DHRS7B: variants seen among roughly 807,000 people sequenced by gnomAD.
The protein encoded by DHRS7B is dehydrogenase/reductase 7B.
In DHRS7B, 24 loss-of-function variants were observed where a neutral mutation model predicts 26.4. That is an observed-to-expected ratio of 0.91 (90% CI 0.66 to 1.28). The LOEUF is 1.28. Ranked by LOEUF, DHRS7B falls within the 50% of genes most tolerant of loss-of-function variation. The pLI is 0.00. For missense variants in DHRS7B, 368 were observed against 419.4 expected, an observed-to-expected ratio of 0.88 and a Z score of 1.07; for synonymous variants, 142 against 166.4, an observed-to-expected ratio of 0.85 and a Z score of 1.13.
chr17:21,165,336 A>G (rs1237048802), intron 1 of DHRS7B, among the ~76,000 whole-genome samples: 4 of 151,590 alleles, frequency 2.6e-5, no homozygotes, highest in Non-Finnish European at 5.9e-5. Context: ...GTAACACTAT[A>G]TTCACTTTTT....
chr17:21,147,909 T>G (rs149628921), intron 1 of DHRS7B, among the ~76,000 whole-genome samples: 14 of 152,064 alleles, frequency 9.2e-5, no homozygotes, highest in Non-Finnish European at 1.9e-4. Context: ...TTGGGCACAG[T>G]GTGGGAGGAT....
In DHRS7B at chr17:21,172,400, G is replaced by A. The variant is rs1023601006; in HGVS notation, c.199+204G>A. ...ACAGTGAGAAATGACTCAGCGTCAG[G>A]GTGGGAGGCAAGTGTGAGAGAAGCA... On this transcript the variant is annotated intron_variant, in intron 2 of 6. Transcript: ENST00000395511. The A allele has an allele frequency of 5.3e-6, 3 of 570,480 alleles. No individual in the cohort carries two copies. In the Admixed American group the frequency reaches 8.8e-5, roughly 17 times the overall value. 35.3% of individuals were successfully genotyped at this position (570,480 alleles called of 1,614,324 possible).
chr17:21,144,942 C>T (rs1025437838), intron 1 of DHRS7B, among the ~76,000 whole-genome samples: 8 of 152,020 alleles, frequency 5.3e-5, no homozygotes, highest in Admixed American at 2.0e-4. Flanking sequence ...ATATACTTAC[C>T]TTTTAGCAGA....
chr17:21,149,854 A>T (rs1567619612), intron 1 of DHRS7B, among the ~76,000 whole-genome samples: 1 of 152,192 alleles, frequency 6.6e-6, no homozygotes. Flanking sequence ...AGAAGAAAGG[A>T]AGAGAGGAGT....
chr17:21,182,205 CT>C (rs1974528307), intron 3 of DHRS7B, among the ~76,000 whole-genome samples: 1 of 152,164 alleles, frequency 6.6e-6, no homozygotes, highest in Middle Eastern at 3.4e-3. Context: ...GGGTTTTTCC[CT>C]CGTTCTATTA....
chr17:21,128,948 A>T (rs2143833400), intron 1 of DHRS7B: 1 of 152,114 alleles, frequency 6.6e-6, no homozygotes, highest in Admixed American at 6.6e-5. Context: ...CAACAAAGGC[A>T]TAGAGCTAGT....
At position 21,127,362 on chromosome 17, in the gene DHRS7B, C is replaced by T. The variant is rs1973123125; in HGVS notation, c.20+371C>T. 2.2e-5 allele frequency: 5 copies of T among 231,126 alleles called. No individual in the cohort carries two copies. In the South Asian group the frequency reaches 5.1e-4, roughly 23 times the overall value. 14.3% of individuals were successfully genotyped at this position (231,126 alleles called of 1,614,324 possible). A position where few individuals can be genotyped will look rare whatever the true frequency, so the allele number is the denominator to read the frequency against. ...TTTCTGCGCGACGTAGGGGAGGCTC[C>T]GCAGCGTCTGCGAGTGGCAGGACCG... On this transcript the variant is annotated intron_variant, in intron 1 of 6. Coordinates refer to ENST00000395511, the MANE Select transcript of DHRS7B (RefSeq NM_015510.5).
At chr17:21,141,820 A>C (rs760628596) in intron 1 of DHRS7B, among the ~76,000 whole-genome samples, 6 of 151,948 alleles carry the variant, frequency 3.9e-5, no homozygotes, top group Non-Finnish European at 7.4e-5. Flanking sequence ...CTCTGGAAGG[A>C]GTGCTCTCAG....
intron 1 of DHRS7B, chr17:21,168,905 C>T (rs1048928720): frequency 9.1e-5 from 90 of 985,432 alleles, no homozygotes; most frequent in Middle Eastern, 5.2e-4. Context: ...GTGTAGTTTT[C>T]GCTCTTTTCT....
Position 21,136,037 on chromosome 17 carries a change from G to C in DHRS7B, c.20+9046G>C, listed in dbSNP as rs949369996. Among the ~76,000 whole-genome samples the C allele has an allele frequency of 2.6e-5, 4 of 152,198 alleles. No homozygotes were observed. In the East Asian group the frequency reaches 7.7e-4, roughly 29 times the overall value. On this transcript the variant is annotated intron_variant, in intron 1 of 6. Transcript: ENST00000395511. ...AGACTGGCCGGGGATGGTGACTCATGCCTATAATCCCAGCACTTTGGGAGG... is the reference window on the plus strand; with the variant it reads ...AGACTGGCCGGGGATGGTGACTCATCCCTATAATCCCAGCACTTTGGGAGG...
At chr17:21,137,760 G>A (rs1453768039) in intron 1 of DHRS7B, among the ~76,000 whole-genome samples, 2 of 151,578 alleles carry the variant, frequency 1.3e-5, no homozygotes, top group African/African-American at 4.8e-5. Context: ...CCCGGCCTCT[G>A]GCTAATTTTT....
intron 1 of DHRS7B, among the ~76,000 whole-genome samples, chr17:21,150,983 C>T (rs937041745): frequency 1.3e-5 from 2 of 152,130 alleles, no homozygotes; most frequent in African/African-American, 4.8e-5. Context: ...TATACATATC[C>T]AAGAAACTTT....
At chr17:21,140,168 C>T (rs183815967) in intron 1 of DHRS7B, among the ~76,000 whole-genome samples, 4 of 151,726 alleles carry the variant, frequency 2.6e-5, no homozygotes, top group East Asian at 3.9e-4. Flanking sequence ...GGACTACAGG[C>T]GCCCACCACT....
chr17:21,183,609 C>A lies in DHRS7B; in HGVS notation c.325C>A (p.Pro109Thr). ...ATTTGACCAGGTGCAGACACACAAG[C>A]CTTACTTGGTGACCTTCGACCTCAC... ...SHATKVQTHK[P>T]YLVTFDLTDS... The change falls in exon 4 of 7, where the codon CCT becomes ACT. Residue 109 changes from proline to threonine, a missense_variant. By Grantham distance (38) the Pro-to-Thr change is conservative (BLOSUM62 -1). Transcript: ENST00000395511. 6.2e-7 allele frequency: 1 copy of A among 1,613,158 alleles called. No individual in the cohort carries two copies. The highest frequency in any genetic ancestry group is 8.5e-7 in the Non-Finnish European group (1 of 1,180,022).
chr17:21,163,199 A>AAG (rs1567623647), intron 1 of DHRS7B, among the ~76,000 whole-genome samples: 1 of 151,816 alleles, frequency 6.6e-6, no homozygotes, highest in East Asian at 1.9e-4. Context: ...GTCTCAAAAA[A>AAG]AAAACCAAAA....
intron 6 of DHRS7B, among the ~76,000 whole-genome samples, chr17:21,189,836 A>G (rs1025168574): frequency 5.9e-5 from 9 of 152,258 alleles, no homozygotes; most frequent in Admixed American, 2.0e-4. Flanking sequence ...CAGAACAGAC[A>G]TTGGTGAGGG....
At chr17:21,174,212 C>T (rs1174166540) in intron 2 of DHRS7B, among the ~76,000 whole-genome samples, 1 of 152,230 alleles carries the variant, frequency 6.6e-6, no homozygotes, top group Admixed American at 6.5e-5. Flanking sequence ...GTGGCTCTGC[C>T]TGCCGTGTCA....
chr17:21,140,538 A>C (rs73984294), intron 1 of DHRS7B, among the ~76,000 whole-genome samples: 1,896 of 134,570 alleles, frequency 0.014, 17 homozygotes, highest in Admixed American at 0.023. Flanking sequence ...ACACACACAC[A>C]CCCTGACACC....
chr17:21,138,279 C>T (rs372385018), intron 1 of DHRS7B, among the ~76,000 whole-genome samples: 6 of 124,750 alleles, frequency 4.8e-5, no homozygotes, highest in South Asian at 2.7e-4. Context: ...TGCAGTGGCG[C>T]GATCTTGGCT....
Sources: gnomAD v4.1 joint callset for allele counts (sites outside exome capture counted in the v4.1 genomes callset) on GRCh38, gnomAD v4.1.1 for gene constraint, MANE v1.5 for transcripts, NCBI Gene and HGNC (gene_info 2026-07-23, HGNC 2026-07-21) for gene names.